Variants in SWI5 observed in about 807,000 individuals in gnomAD.
The protein encoded by SWI5 is SWI5 homologous recombination repair protein.
SWI5 carries 12 observed loss-of-function variants against 17.0 expected under a neutral mutation model. The ratio of observed to expected loss-of-function variants is 0.71; its 90% confidence interval spans 0.45 to 1.14. SWI5 has a LOEUF of 1.14. Ranked by LOEUF, SWI5 falls within the 50% of genes most tolerant of loss-of-function variation. The pLI, the probability that SWI5 is intolerant of heterozygous loss-of-function variation, is 0.00. For missense variants in SWI5, 158 were observed against 162.2 expected (o/e 0.97, Z 0.14); for synonymous variants, 61 against 64.0 (o/e 0.95, Z 0.22).
At position 128,280,764 on chromosome 9, in the gene SWI5, G is replaced by A. The variant is rs552747458; in HGVS notation, c.112-3746G>A. 1.8e-4 allele frequency among the ~76,000 whole-genome samples: 28 copies of A among 152,106 alleles called. No individual in the cohort carries two copies. The South Asian group carries it at 5.6e-3, about 30-fold the overall frequency. On this transcript the variant is annotated intron_variant, in intron 2 of 4. Transcript: ENST00000418976. ...GATCTCCTGACCTCGTGATCCTCCCGCCTCCGCCTCCCAAAGTGCTGGGAT... is the reference window on the plus strand; with the variant it reads ...GATCTCCTGACCTCGTGATCCTCCCACCTCCGCCTCCCAAAGTGCTGGGAT...
chr9:128,287,513 C>T (rs1330554436), intron 4 of SWI5, among the ~76,000 whole-genome samples: 1 of 149,312 alleles, frequency 6.7e-6, no homozygotes, highest in African/African-American at 2.5e-5. Context: ...CAGCATGAGG[C>T]CTGTCACTTC....
At chr9:128,281,494 C>G (rs1379892488) in intron 2 of SWI5, among the ~76,000 whole-genome samples, 1 of 152,178 alleles carries the variant, frequency 6.6e-6, no homozygotes, top group Non-Finnish European at 1.5e-5. Context: ...GAAGCCTTAT[C>G]CCCACTTCTG....
chr9:128,277,032 C>T (rs1283181002), intron 2 of SWI5, among the ~76,000 whole-genome samples: 1 of 152,134 alleles, frequency 6.6e-6, no homozygotes, highest in Non-Finnish European at 1.5e-5. Context: ...TCACTCCAGT[C>T]CAGCACCAGC....
chr9:128,284,698 G>A (rs891521505), intron 3 of SWI5, 67 bp downstream of exon 3: 46 of 1,558,674 alleles, frequency 3.0e-5, no homozygotes, highest in Non-Finnish European at 3.8e-5. Flanking sequence ...GTTCACGCCT[G>A]TAATCCCAGC....
At chr9:128,282,204 T>C (rs925932523) in intron 2 of SWI5, among the ~76,000 whole-genome samples, 9 of 152,110 alleles carry the variant, frequency 5.9e-5, no homozygotes, top group African/African-American at 2.2e-4. Flanking sequence ...CTGACCAACA[T>C]GGTGAAACCT....
intron 1 of SWI5, 102 bp from the exon 2 acceptor site, chr9:128,276,605 G>T (rs1194142411): frequency 1.9e-6 from 3 of 1,609,522 alleles, no homozygotes; most frequent in Non-Finnish European, 2.5e-6. Context: ...AGTCCCTGGC[G>T]CTCCTACTTC....
At chr9:128,288,856 A>G (rs1203246892) in exon 5 of SWI5, 1 of 897,588 alleles carries the variant, frequency 1.1e-6, no homozygotes, top group East Asian at 2.5e-5. Context: ...CCCAAGCCCA[A>G]TCAGGAGGAG....
chr9:128,288,948 G>T, exon 5 of SWI5: 1 of 577,296 alleles, frequency 1.7e-6, no homozygotes. Context: ...TTGTGTAGGG[G>T]TACATGTACT....
Position 128,285,262 on chromosome 9 carries a change from GGGAAGGAAGGAAGGGAAA to G in SWI5, c.233+646_234-645del, listed in dbSNP as rs1831618506. Among the ~76,000 whole-genome samples, 1 of 148,512 alleles carries G rather than the reference GGGAAGGAAGGAAGGGAAA, an allele frequency of 6.7e-6. No homozygotes were observed. Among genetic ancestry groups the G allele is most frequent in the Non-Finnish European group, 1.5e-5 (1 of 67,548 alleles). On this transcript the variant is annotated intron_variant, in intron 3 of 4. Coordinates refer to ENST00000418976, the Ensembl canonical transcript of SWI5. The surrounding 1 kb of genome is among the most constrained non-coding windows in gnomAD (Gnocchi z 4.8). ...GAAAGAAGGAAAGGGGGGAAGGAAAGGGAAGGAAGGAAGGGAAAGGAAGGAAGGAAGGAAAGGAAGGAA... is the reference window on the plus strand; with the variant it reads ...GAAAGAAGGAAAGGGGGGAAGGAAAGGGAAGGAAGGAAGGAAAGGAAGGAA...
rs929654748 is a variant in SWI5 at position 128,282,374 on chromosome 9, G to A, written c.112-2136G>A. Among the ~76,000 whole-genome samples, 5 of 151,724 alleles carry A rather than the reference G, an allele frequency of 3.3e-5. No homozygotes were observed. The South Asian group carries it at 6.2e-4, about 19-fold the overall frequency. On this transcript the variant is annotated intron_variant, in intron 2 of 4. Transcript: ENST00000418976. ...AGCACTCCAGCCTGGGCGACAACGC[G>A]AGAACTGTCTCAAAAAAAAAAGAAA...
chr9:128,284,206 T>G (rs146607408), intron 2 of SWI5, among the ~76,000 whole-genome samples: 11,691 of 150,168 alleles, frequency 0.078, 981 homozygotes, highest in African/African-American at 0.21. Context: ...GGAGAATCAC[T>G]TGAACCTGGG....
In SWI5 at chr9:128,278,719, G is replaced by A. The variant is rs1044847950; in HGVS notation, c.111+1964G>A. On this transcript the variant is annotated intron_variant, in intron 2 of 4. Coordinates refer to ENST00000418976, the Ensembl canonical transcript of SWI5. ...AGTTCCAGAGAGATGAATATAGCCA[G>A]GACGTGGCAGAGCTGGGGGCTTTAA... The A allele has an allele frequency of 3.2e-5, 15 of 466,982 alleles. 1 individual carries two copies. The highest frequency in any genetic ancestry group is 6.5e-4 in the Middle Eastern group (2 of 3,082). The allele number at this position is 466,982 out of a possible 1,614,324, so 28.9% of individuals were successfully genotyped here. A position where few individuals can be genotyped will look rare whatever the true frequency, so the allele number is the denominator to read the frequency against.
At chr9:128,282,416 ATAT>A (rs1831555088) in intron 2 of SWI5, among the ~76,000 whole-genome samples, 1 of 152,176 alleles carries the variant, frequency 6.6e-6, no homozygotes, top group Admixed American at 6.5e-5. Flanking sequence ...ATTTCAAAAA[ATAT>A]TAAAAATCAG....
chr9:128,285,935 C>G lies in SWI5; in HGVS notation c.234-4C>G. On this transcript the variant is annotated splice_region_variant and splice_polypyrimidine_tract_variant and intron_variant, in intron 3 of 4. Coordinates refer to ENST00000418976, the Ensembl canonical transcript of SWI5. The surrounding 1 kb of genome is among the most constrained non-coding windows in gnomAD (Gnocchi z 4.8). ...TTTCCCCCTCTCTCCATCGCTTATC[C>G]CAGAGGCTACAGTGTGGATGAACTG... 4 of 1,611,064 alleles carry G rather than the reference C, an allele frequency of 2.5e-6. No individual in the cohort carries two copies. The highest frequency in any genetic ancestry group is 3.4e-6 in the Non-Finnish European group (4 of 1,177,258).
At chr9:128,276,197 C>T (rs1394116685), upstream of SWI5, 4 of 1,599,248 alleles carry the variant, frequency 2.5e-6, no homozygotes, top group African/African-American at 1.3e-5. Context: ...AAGCTGCGCA[C>T]GCAACCGCTG....
Position 128,276,780 on chromosome 9 carries a change from CCTTTCCCATCCT to C in SWI5, c.111+27_111+38del, listed in dbSNP as rs759735871. ...TGTGAGTATTTCTTCCCCCACACCC[CCTTTCCCATCCT>C]CGACCTTCCCTTGTGCGCTCCCGGC... is the stretch of plus-strand genomic sequence containing the variant. On this transcript the variant is annotated intron_variant, in intron 2 of 4. Coordinates refer to ENST00000418976, the Ensembl canonical transcript of SWI5. 8 of 1,590,344 alleles carry C rather than the reference CCTTTCCCATCCT, an allele frequency of 5.0e-6. No homozygotes were observed. The African/African-American group carries it at 1.1e-4, about 21-fold the overall frequency.
exon 5 of SWI5, chr9:128,288,897 G>A: frequency 1.6e-6 from 1 of 626,334 alleles, no homozygotes; most frequent in Non-Finnish European, 2.8e-6. Flanking sequence ...GGAGGAAGGG[G>A]CGTTCCCAGC....
intron 2 of SWI5, among the ~76,000 whole-genome samples, chr9:128,283,611 T>G (rs1383459878): frequency 2.0e-5 from 3 of 152,152 alleles, no homozygotes; most frequent in African/African-American, 7.2e-5. Context: ...GCCCATTAGT[T>G]AGGATTGGGT....
chr9:128,275,967 G>C (rs759639005), upstream of SWI5: 1 of 1,596,824 alleles, frequency 6.3e-7, no homozygotes, highest in Non-Finnish European at 8.5e-7. Context: ...AGGCGGGGTT[G>C]GGGCCACATC....
Sources: gnomAD v4.1 joint callset for allele counts (sites outside exome capture counted in the v4.1 genomes callset) on GRCh38, gnomAD v4.1.1 for gene constraint, Gnocchi (gnomAD v3.1) non-coding constraint, MANE v1.5 for transcripts, NCBI Gene and HGNC (gene_info 2026-07-23, HGNC 2026-07-21) for gene names.